ZNRF2: variants seen among roughly 807,000 people sequenced by gnomAD.
The protein encoded by ZNRF2 is zinc and ring finger 2, also known as E3 ubiquitin-protein ligase ZNRF2.
A neutral mutation model predicts 20.4 loss-of-function variants in ZNRF2; 16 were observed. The ratio of observed to expected loss-of-function variants is 0.79; its 90% CI spans 0.53 to 1.19. The LOEUF is 1.19. Ranked by LOEUF, ZNRF2 falls within the 50% of genes most tolerant of loss-of-function variation. The pLI is 0.00. For missense variants in ZNRF2, 363 were observed against 332.4 expected, an observed-to-expected ratio of 1.09 and a Z score of -0.72; for synonymous variants, 178 against 144.9, an observed-to-expected ratio of 1.23 and a Z score of -1.64.
At chr7:30,341,936 A>G (rs889178111) in intron 2 of ZNRF2, among the ~76,000 whole-genome samples, 3 of 151,990 alleles carry the variant, frequency 2.0e-5, no homozygotes, top group African/African-American at 7.3e-5. Context: ...TAGGATAGTT[A>G]GCTCTTCTTG....
chr7:30,297,421 T>C, intron 1 of ZNRF2, among the ~76,000 whole-genome samples: 1 of 152,232 alleles, frequency 6.6e-6, no homozygotes, highest in East Asian at 1.9e-4. Context: ...TCATAGTTCC[T>C]ACTGAGAAAG....
chr7:30,342,736 A>G (rs1799816083), intron 2 of ZNRF2, among the ~76,000 whole-genome samples: 1 of 152,126 alleles, frequency 6.6e-6, no homozygotes, highest in Non-Finnish European at 1.5e-5. Context: ...CAGCAGAAGT[A>G]TACAAGCCTA....
chr7:30,318,254 C>T (rs1485536025), intron 1 of ZNRF2, among the ~76,000 whole-genome samples: 1 of 152,136 alleles, frequency 6.6e-6, no homozygotes, highest in Non-Finnish European at 1.5e-5. Context: ...GTCCAAACAT[C>T]TGGCATCTCA....
chr7:30,310,417 A>C (rs932708144), intron 1 of ZNRF2, among the ~76,000 whole-genome samples: 4 of 152,184 alleles, frequency 2.6e-5, no homozygotes, highest in Non-Finnish European at 5.9e-5. Flanking sequence ...TGTCTAGTAA[A>C]GGGCCAGATA....
chr7:30,305,181 C>A (rs937516092), intron 1 of ZNRF2, among the ~76,000 whole-genome samples: 3 of 152,134 alleles, frequency 2.0e-5, no homozygotes, highest in African/African-American at 7.2e-5. Flanking sequence ...CCATGGAAAT[C>A]AGCAACTAGT....
At chr7:30,336,455 C>G (rs530752324) in intron 2 of ZNRF2, among the ~76,000 whole-genome samples, 2 of 151,736 alleles carry the variant, frequency 1.3e-5, no homozygotes, top group Non-Finnish European at 2.9e-5. Context: ...ATATTTAATT[C>G]TTAATATTTT....
chr7:30,290,277 C>T (rs944794495), intron 1 of ZNRF2, among the ~76,000 whole-genome samples: 2 of 152,174 alleles, frequency 1.3e-5, no homozygotes, highest in South Asian at 2.1e-4. Flanking sequence ...TGATTTTATT[C>T]GTTTTCTAAG....
chr7:30,328,390 A>G (rs753730766), intron 2 of ZNRF2, among the ~76,000 whole-genome samples: 11 of 152,112 alleles, frequency 7.2e-5, no homozygotes, highest in Non-Finnish European at 1.6e-4. Flanking sequence ...AAACAAGAAC[A>G]TTTTTTTCAG....
intron 1 of ZNRF2, among the ~76,000 whole-genome samples, chr7:30,299,572 A>G (rs1048473806): frequency 1.3e-5 from 2 of 152,170 alleles, no homozygotes; most frequent in Admixed American, 6.5e-5. Context: ...CAGGTTAGAT[A>G]AAATGACAGT....
At chr7:30,321,630 A>G (rs1253422878) in intron 1 of ZNRF2, among the ~76,000 whole-genome samples, 2 of 152,128 alleles carry the variant, frequency 1.3e-5, no homozygotes, top group African/African-American at 4.8e-5. Flanking sequence ...TTAGGTTCAC[A>G]GTATTGCACT....
chr7:30,300,805 T>C (rs1028237523), intron 1 of ZNRF2, among the ~76,000 whole-genome samples: 3 of 152,252 alleles, frequency 2.0e-5, no homozygotes, highest in Non-Finnish European at 2.9e-5. Flanking sequence ...TTATGTTTTG[T>C]TATAGGCTGA....
intron 3 of ZNRF2, among the ~76,000 whole-genome samples, chr7:30,359,060 G>A (rs1286890027): frequency 6.6e-6 from 1 of 152,152 alleles, no homozygotes; most frequent in South Asian, 2.1e-4. Context: ...TCAATAAATG[G>A]TGCTGGGATC....
chr7:30,316,883 C>T (rs1562610650), intron 1 of ZNRF2, among the ~76,000 whole-genome samples: 1 of 152,174 alleles, frequency 6.6e-6, no homozygotes, highest in Non-Finnish European at 1.5e-5. Flanking sequence ...CAGAACAGAT[C>T]CTACCAGTAA....
intron 1 of ZNRF2, among the ~76,000 whole-genome samples, chr7:30,315,728 G>C (rs962025285): frequency 4.0e-5 from 2 of 50,194 alleles, no homozygotes; most frequent in East Asian, 7.1e-4. Flanking sequence ...AAGGTGGGGC[G>C]GGGGGGGGGG....
rs530076928 is a variant in ZNRF2, at chr7:30,340,619, G to A, written c.566-15109G>A. On this transcript the variant is annotated intron_variant, in intron 2 of 4. Transcript: ENST00000323037. Reference sequence around the variant, plus strand: ...GATGGTAGTGGATAAGCTTTTTGATGTGCTGCTGGATTCAGTTTTCCAGTA... The same window carrying A: ...GATGGTAGTGGATAAGCTTTTTGATATGCTGCTGGATTCAGTTTTCCAGTA... 2.0e-5 allele frequency among the ~76,000 whole-genome samples: 3 copies of A among 152,260 alleles called. No individual in the cohort carries two copies. In the South Asian group the frequency reaches 6.2e-4, roughly 32 times the overall value.
At chr7:30,295,072 T>G (rs1185583472) in intron 1 of ZNRF2, among the ~76,000 whole-genome samples, 2 of 142,426 alleles carry the variant, frequency 1.4e-5, no homozygotes, top group African/African-American at 5.7e-5. Flanking sequence ...TGTGTGTGTG[T>G]GTGTGTGTGT....
At chr7:30,294,630 A>G (rs1221798748) in intron 1 of ZNRF2, among the ~76,000 whole-genome samples, 3 of 152,084 alleles carry the variant, frequency 2.0e-5, no homozygotes, top group Admixed American at 1.3e-4. Flanking sequence ...TAAAAATACA[A>G]AAATCAGCCG....
chr7:30,300,148 CT>C (rs11312967), intron 1 of ZNRF2, among the ~76,000 whole-genome samples: 8,199 of 112,934 alleles, frequency 0.073, 185 homozygotes, highest in Middle Eastern at 0.14. Flanking sequence ...GAATACAAGT[CT>C]TTTTTTTTTT....
intron 2 of ZNRF2, among the ~76,000 whole-genome samples, chr7:30,354,517 G>C (rs924055376): frequency 2.0e-5 from 3 of 152,078 alleles, no homozygotes; most frequent in African/African-American, 7.2e-5. Flanking sequence ...ACTTCTTATA[G>C]AATGAATTTT....
Sources: gnomAD v4.1 joint callset for allele counts (sites outside exome capture counted in the v4.1 genomes callset) on GRCh38, gnomAD v4.1.1 for gene constraint, MANE v1.5 for transcripts, NCBI Gene and HGNC (gene_info 2026-07-23, HGNC 2026-07-21) for gene names.